The following HSD17B11 variants were observed in gnomAD, a reference collection of about 807,000 sequenced individuals.
The protein encoded by HSD17B11 is hydroxysteroid 17-beta dehydrogenase 11, also known as estradiol 17-beta-dehydrogenase 11.
A neutral mutation model predicts 27.8 loss-of-function variants in HSD17B11; 22 were observed. The ratio of observed to expected loss-of-function variants is 0.79; its 90% confidence interval spans 0.56 to 1.13. The LOEUF is 1.13. Among genes scored for constraint, HSD17B11 ranks in the 50% most tolerant of loss-of-function variants. The probability of loss-of-function intolerance (pLI) is 0.00; values close to 1 mark genes in which losing one functional copy is unlikely to be tolerated. For missense variants in HSD17B11, 314 were observed against 351.1 expected, an observed-to-expected ratio of 0.89 and a Z score of 0.84; for synonymous variants, 117 against 132.8, an observed-to-expected ratio of 0.88 and a Z score of 0.82.
chr4:87,377,215 G>A (rs1735846228), intron 2 of HSD17B11, among the ~76,000 whole-genome samples: 1 of 152,172 alleles, frequency 6.6e-6, no homozygotes, highest in Admixed American at 6.5e-5. Flanking sequence ...ACTTTGGGAG[G>A]CTGAGGCAGG....
chr4:87,387,096 G>C (rs997774288), intron 1 of HSD17B11: 8 of 152,332 alleles, frequency 5.3e-5, no homozygotes, highest in African/African-American at 1.9e-4. Context: ...CCACAGTCCA[G>C]AACTCCCGGC....
chr4:87,390,084 G>A (rs946792218), intron 1 of HSD17B11, among the ~76,000 whole-genome samples: 52 of 151,916 alleles, frequency 3.4e-4, no homozygotes, highest in African/African-American at 1.1e-3. Context: ...TCAGCCTCCC[G>A]GAAAAGATGC....
chr4:87,341,641 G>C (rs915401774), intron 5 of HSD17B11, among the ~76,000 whole-genome samples: 1 of 151,820 alleles, frequency 6.6e-6, no homozygotes, highest in South Asian at 2.1e-4. Flanking sequence ...CGGGTGGAGC[G>C]CTTGAGCCCA....
Position 87,370,581 on chromosome 4 carries a change from A to ATT in HSD17B11, c.557+2126_557+2127dup, listed in dbSNP as rs56142885. On this transcript the variant is annotated intron_variant, in intron 4 of 6. Transcript: ENST00000358290. ...CAGGCACGTACCACACACCCAGCTA[A>ATT]TTTTTTTTGTATTTTTTAGTAGAGA... Among the ~76,000 whole-genome samples, 1,091 of 150,172 alleles carry ATT rather than the reference A, an allele frequency of 7.3e-3. 15 individuals carry two copies. The highest frequency in any genetic ancestry group is 0.025 in the African/African-American group (1,045 of 41,062).
At chr4:87,366,631 A>C (rs557850898) in intron 4 of HSD17B11, among the ~76,000 whole-genome samples, 1 of 152,320 alleles carries the variant, frequency 6.6e-6, no homozygotes, top group African/African-American at 2.4e-5. Flanking sequence ...AAAATTTTGT[A>C]TGCCACAAAA....
At chr4:87,379,723 G>A (rs1248178404) in intron 2 of HSD17B11, among the ~76,000 whole-genome samples, 3 of 141,990 alleles carry the variant, frequency 2.1e-5, no homozygotes, top group Non-Finnish European at 4.5e-5. Flanking sequence ...TATAATAATA[G>A]TATATACTAT....
chr4:87,343,337 T>A (rs1487148870), intron 5 of HSD17B11, among the ~76,000 whole-genome samples: 2 of 152,056 alleles, frequency 1.3e-5, no homozygotes, highest in African/African-American at 4.8e-5. Context: ...TTAACGAGAG[T>A]TACAAATCCC....
chr4:87,367,781 G>A (rs1735635432), intron 4 of HSD17B11, among the ~76,000 whole-genome samples: 1 of 152,152 alleles, frequency 6.6e-6, no homozygotes, highest in African/African-American at 2.4e-5. Flanking sequence ...AAGAGGGATG[G>A]GTAATGTAAA....
At position 87,379,288 on chromosome 4, in the gene HSD17B11, G is replaced by A. The variant is rs188697540; in HGVS notation, c.318+2967C>T. Among the ~76,000 whole-genome samples, 590 of 150,394 alleles carry A rather than the reference G, an allele frequency of 3.9e-3. 3 individuals carry two copies. Among genetic ancestry groups the A allele is most frequent in the African/African-American group, 0.013 (544 of 41,028 alleles). Reference sequence around the variant, plus strand: ...TGCTGGGATTCTAGGCATAAGCCACGCTCCAGCAGATATATTTCTATAAAG... The same window carrying A: ...TGCTGGGATTCTAGGCATAAGCCACACTCCAGCAGATATATTTCTATAAAG... On this transcript the variant is annotated intron_variant, in intron 2 of 6. Transcript: ENST00000358290.
At chr4:87,374,917 G>A (rs545861723) in intron 2 of HSD17B11, 87 bp from the exon 3 acceptor site, 49 of 983,284 alleles carry the variant, frequency 5.0e-5, no homozygotes, top group Middle Eastern at 3.6e-4. Context: ...TTTTTGAGAC[G>A]GATTCTTGCT....
At chr4:87,341,044 G>A (rs545013958) in intron 5 of HSD17B11, among the ~76,000 whole-genome samples, 1 of 152,156 alleles carries the variant, frequency 6.6e-6, no homozygotes, top group Non-Finnish European at 1.5e-5. Flanking sequence ...TCTCCTTAGT[G>A]AACAATTCCT....
intron 4 of HSD17B11, among the ~76,000 whole-genome samples, chr4:87,360,309 G>A (rs1735481819): frequency 6.6e-6 from 1 of 152,188 alleles, no homozygotes; most frequent in African/African-American, 2.4e-5. Flanking sequence ...TTTTCTGGAA[G>A]GCAGTTTGGC....
At chr4:87,345,548 T>C (rs893857320) in intron 5 of HSD17B11, among the ~76,000 whole-genome samples, 1 of 151,910 alleles carries the variant, frequency 6.6e-6, no homozygotes, top group Non-Finnish European at 1.5e-5. Context: ...TAAACAAAAT[T>C]AGCAAACCTT....
At chr4:87,380,201 A>G (rs1032334591) in intron 2 of HSD17B11, among the ~76,000 whole-genome samples, 1 of 151,132 alleles carries the variant, frequency 6.6e-6, no homozygotes, top group Non-Finnish European at 1.5e-5. Context: ...GCTTGCTTTC[A>G]TTATTAAGAA....
intron 2 of HSD17B11, among the ~76,000 whole-genome samples, chr4:87,381,275 G>A (rs1001767371): frequency 6.6e-6 from 1 of 151,544 alleles, no homozygotes; most frequent in Non-Finnish European, 1.5e-5. Flanking sequence ...TTTTTATACT[G>A]CACTGAATTA....
At chr4:87,339,680 A>C (rs1735128129) in intron 6 of HSD17B11, among the ~76,000 whole-genome samples, 1 of 152,198 alleles carries the variant, frequency 6.6e-6, no homozygotes, top group Non-Finnish European at 1.5e-5. Flanking sequence ...GCAGTGTGTT[A>C]TGATGAGACA....
At chr4:87,390,750 T>G (rs1720436321) in intron 1 of HSD17B11, 111 bp downstream of exon 1, 1 of 873,176 alleles carries the variant, frequency 1.1e-6, no homozygotes, top group Non-Finnish European at 1.9e-6. Context: ...AATACTAATT[T>G]TTTTTTCCTC....
Position 87,357,429 on chromosome 4 carries a change from A to T in HSD17B11, c.558-13T>A, listed in dbSNP as rs749526774. On this transcript the variant is annotated splice_polypyrimidine_tract_variant and intron_variant, in intron 4 of 6. Coordinates refer to ENST00000358290, the MANE Select transcript of HSD17B11 (RefSeq NM_016245.5). ...AAACTTGCTTGAACTGAAAATAGAG[A>T]GTTTACAAAATAATTCAAGAATTCT... 5 of 1,607,918 alleles carry T rather than the reference A, an allele frequency of 3.1e-6. No homozygotes were observed. The highest frequency in any genetic ancestry group is 4.2e-6 in the Non-Finnish European group (5 of 1,177,496).
chr4:87,337,966 C>T (rs1000707430), intron 6 of HSD17B11, among the ~76,000 whole-genome samples: 3 of 152,158 alleles, frequency 2.0e-5, no homozygotes, highest in Non-Finnish European at 2.9e-5. Flanking sequence ...GCCTGTAATC[C>T]CAGCACTTTG....
Sources: allele counts gnomAD v4.1 joint callset (sites outside exome capture counted in the v4.1 genomes callset), GRCh38; gene constraint gnomAD v4.1.1; transcripts MANE v1.5; gene names NCBI Gene and HGNC (gene_info 2026-07-23, HGNC 2026-07-21).